The following MAP3K5 variants were observed in gnomAD, a reference collection of about 807,000 sequenced individuals.
MAP3K5 encodes ASK-1.
A neutral mutation model predicts 158.7 loss-of-function variants in MAP3K5; 56 were observed. That is an observed-to-expected ratio of 0.35 (90% CI 0.28 to 0.44). MAP3K5 has a LOEUF of 0.44. Ranked by LOEUF, MAP3K5 falls within the 20% of genes least tolerant of loss-of-function variation. MAP3K5 has a pLI of 1.00. For synonymous variants in MAP3K5, 579 were observed against 601.7 expected (o/e 0.96, Z 0.55); for missense variants, 1,294 against 1,674.8 (o/e 0.77, Z 3.97).
chr6:136,643,450 A>G (rs1247289481), intron 11 of MAP3K5, among the ~76,000 whole-genome samples: 3 of 152,194 alleles, frequency 2.0e-5, no homozygotes, highest in African/African-American at 7.2e-5. Flanking sequence ...AAGTTAAAAC[A>G]ACCATGAAAA....
chr6:136,583,828 AT>A (rs923277705), intron 23 of MAP3K5, 88 bp from the exon 24 acceptor site: 210 of 1,246,626 alleles, frequency 1.7e-4, no homozygotes, highest in East Asian at 9.4e-4. Flanking sequence ...CTGCCCCCAC[AT>A]TTTTTTTTCT....
At chr6:136,561,171 TC>T (rs1190353456) in intron 28 of MAP3K5, among the ~76,000 whole-genome samples, 2 of 152,078 alleles carry the variant, frequency 1.3e-5, no homozygotes, top group Non-Finnish European at 2.9e-5. Flanking sequence ...TGCACAAGGT[TC>T]TTCCCTGGTC....
In MAP3K5 at chr6:136,570,806, C is replaced by G. The variant is rs146205882; in HGVS notation, c.3518-2932G>C. ...TGCCCATCAACAACTCCCCATTACT[C>G]CCTCTTCTCAGTTTCTGGAAACTAC... On this transcript the variant is annotated intron_variant, in intron 25 of 29. Transcript: ENST00000359015. 1.7e-3 allele frequency among the ~76,000 whole-genome samples: 260 copies of G among 152,290 alleles called. 1 individual carries two copies. The highest frequency in any genetic ancestry group is 5.8e-3 in the African/African-American group (243 of 41,560).
chr6:136,719,095 G>C (rs760732955), intron 2 of MAP3K5, among the ~76,000 whole-genome samples: 1 of 152,170 alleles, frequency 6.6e-6, no homozygotes, highest in Non-Finnish European at 1.5e-5. Context: ...AGGATCACTT[G>C]AACGCAGGAG....
chr6:136,585,469 T>TTTTCTTTTCTTTCTTTC (rs35799129), intron 23 of MAP3K5, among the ~76,000 whole-genome samples: 17 of 131,526 alleles, frequency 1.3e-4, no homozygotes, highest in Admixed American at 7.9e-4. Flanking sequence ...CTTTCTTTTC[T>TTTTCTTTTCTTTCTTTC]TTTCTTTATT....
intron 2 of MAP3K5, among the ~76,000 whole-genome samples, chr6:136,716,355 A>G (rs1204368266): frequency 6.6e-6 from 1 of 152,116 alleles, no homozygotes; most frequent in Non-Finnish European, 1.5e-5. Flanking sequence ...ATTCTCAACT[A>G]TCTGGCACGT....
intron 1 of MAP3K5, among the ~76,000 whole-genome samples, chr6:136,765,462 A>G (rs1783922146): frequency 6.6e-6 from 1 of 151,782 alleles, no homozygotes; most frequent in Non-Finnish European, 1.5e-5. Flanking sequence ...GTGAGCAGCT[A>G]ATTTAACTTA....
intron 3 of MAP3K5, among the ~76,000 whole-genome samples, chr6:136,699,488 T>G (rs1039470059): frequency 1.3e-5 from 2 of 152,144 alleles, no homozygotes; most frequent in African/African-American, 4.8e-5. Context: ...AAGAAGAAAT[T>G]GCAATGCAAC....
rs189166683 is a variant in MAP3K5 at position 136,690,876 on chromosome 6, A to G, written c.1253+3264T>C. Among the ~76,000 whole-genome samples, 427 of 152,282 alleles carry G rather than the reference A, an allele frequency of 2.8e-3. 1 individual carries two copies. Among genetic ancestry groups the G allele is most frequent in the African/African-American group, 9.5e-3 (394 of 41,542 alleles). On this transcript the variant is annotated intron_variant, in intron 7 of 29. Transcript: ENST00000359015. ...AAGACTTTAACATTTCTTGTAGTGA[A>G]GTTCTGCTGGCAACAAATTATCTCA...
chr6:136,664,440 AC>A (rs946384753), intron 8 of MAP3K5, among the ~76,000 whole-genome samples: 1 of 151,580 alleles, frequency 6.6e-6, no homozygotes, highest in South Asian at 2.1e-4. Context: ...TCCCTGAACC[AC>A]CCCCCACCCC....
At position 136,647,442 on chromosome 6, in the gene MAP3K5, C is replaced by A. The variant is rs118132960; in HGVS notation, c.1788+3542G>T. 2.3e-3 allele frequency among the ~76,000 whole-genome samples: 353 copies of A among 152,336 alleles called. 12 individuals are homozygous for A. In the East Asian group the frequency reaches 0.049, roughly 21 times the overall value. On this transcript the variant is annotated intron_variant, in intron 11 of 29. Coordinates refer to ENST00000359015, the MANE Select transcript of MAP3K5 (RefSeq NM_005923.4). ...TAACATCAACCTTCACACCTATGCA[C>A]TTTGATGCTGACCCTGGGTTCATAA...
chr6:136,570,293 C>T (rs1469770934), intron 25 of MAP3K5, among the ~76,000 whole-genome samples: 1 of 152,218 alleles, frequency 6.6e-6, no homozygotes, highest in Non-Finnish European at 1.5e-5. Context: ...AAATCTCTGG[C>T]TGCTATTTCT....
intron 21 of MAP3K5, among the ~76,000 whole-genome samples, chr6:136,597,153 G>A (rs980983543): frequency 6.6e-5 from 10 of 152,146 alleles, no homozygotes; most frequent in African/African-American, 2.4e-4. Context: ...GATTCTCATT[G>A]CCTTATTTCA....
intron 1 of MAP3K5, among the ~76,000 whole-genome samples, chr6:136,728,879 C>T (rs897804993): frequency 5.3e-5 from 8 of 151,646 alleles, no homozygotes; most frequent in African/African-American, 1.9e-4. Flanking sequence ...CAGAGGTTGG[C>T]CTTAAAAAGA....
intron 15 of MAP3K5, 115 bp from the exon 16 acceptor site, chr6:136,614,401 A>C: frequency 8.7e-7 from 1 of 1,152,268 alleles, no homozygotes; most frequent in Non-Finnish European, 1.2e-6. Flanking sequence ...TAAAACCAAA[A>C]CAACCACTTA....
chr6:136,721,348 T>C (rs1781741531), intron 1 of MAP3K5, among the ~76,000 whole-genome samples: 2 of 151,858 alleles, frequency 1.3e-5, no homozygotes, highest in Non-Finnish European at 2.9e-5. Context: ...ATAACTGATA[T>C]CTAGTAAGTC....
In MAP3K5 at chr6:136,609,672, T is replaced by C. The variant is rs1776247006; in HGVS notation, c.2521+1610A>G. ...AGCCAGGCATGGAGGTGCGTGCCTA[T>C]GGTCCCAGCTACTAGGGAGGCTGAG... On this transcript the variant is annotated intron_variant, in intron 18 of 29. Coordinates refer to ENST00000359015, the MANE Select transcript of MAP3K5 (RefSeq NM_005923.4). This position sits in a 1 kb window ranked among gnomAD's most constrained non-coding sequence, Gnocchi z 4.4. Among the ~76,000 whole-genome samples, 1 of 151,294 alleles carries C rather than the reference T, an allele frequency of 6.6e-6. No individual in the cohort carries two copies. Among genetic ancestry groups the C allele is most frequent in the Non-Finnish European group, 1.5e-5 (1 of 67,894 alleles).
At chr6:136,729,547 T>C (rs1782117028) in intron 1 of MAP3K5, among the ~76,000 whole-genome samples, 1 of 152,238 alleles carries the variant, frequency 6.6e-6, no homozygotes, top group South Asian at 2.1e-4. Flanking sequence ...ACAATGCTAT[T>C]ATACAACTCA....
chr6:136,700,121 A>G (rs577346884), intron 3 of MAP3K5, among the ~76,000 whole-genome samples: 2 of 152,258 alleles, frequency 1.3e-5, no homozygotes, highest in East Asian at 3.9e-4. Flanking sequence ...AGAGAGAGAA[A>G]GAAGGAAAGA....
Sources: allele counts gnomAD v4.1 joint callset (sites outside exome capture counted in the v4.1 genomes callset), GRCh38; gene constraint gnomAD v4.1.1; non-coding constraint Gnocchi (gnomAD v3.1); transcripts MANE v1.5; gene names NCBI Gene and HGNC (gene_info 2026-07-23, HGNC 2026-07-21).